The following NEK11 variants were observed in gnomAD, a reference collection of about 807,000 sequenced individuals.
NEK11 encodes the protein NIMA related kinase 11, also known as serine/threonine-protein kinase Nek11.
NEK11 carries 72 observed loss-of-function variants against 80.7 expected under a neutral mutation model. The observed-to-expected ratio is 0.89, with a 90% CI of 0.74 to 1.08. The LOEUF (loss-of-function observed/expected upper bound fraction) is 1.08. Among genes scored for constraint, NEK11 ranks in the 50% least tolerant of loss-of-function variants. NEK11 has a pLI of 0.00. For synonymous variants in NEK11, 251 were observed against 260.7 expected (o/e 0.96, Z 0.36); for missense variants, 764 against 763.6 (o/e 1.00, Z -0.01).
chr3:131,270,366 A>T (rs1056606850), intron 16 of NEK11, among the ~76,000 whole-genome samples: 10 of 152,178 alleles, frequency 6.6e-5, no homozygotes, highest in African/African-American at 2.4e-4. Context: ...AACATATGGA[A>T]ACGTAGAATC....
chr3:131,285,224 G>A (rs1164759558), intron 17 of NEK11, among the ~76,000 whole-genome samples: 4 of 152,190 alleles, frequency 2.6e-5, no homozygotes, highest in Admixed American at 2.6e-4. Flanking sequence ...ATGTGGAAAG[G>A]TTTCTGGGGA....
intron 15 of NEK11, among the ~76,000 whole-genome samples, chr3:131,238,471 T>C (rs760143238): frequency 1.2e-4 from 19 of 152,136 alleles, no homozygotes; most frequent in Non-Finnish European, 2.1e-4. Flanking sequence ...GTGGTACAGG[T>C]AGCCAATTAG....
intron 11 of NEK11, among the ~76,000 whole-genome samples, chr3:131,163,365 A>G (rs1318675305): frequency 3.9e-5 from 6 of 152,222 alleles, no homozygotes; most frequent in Non-Finnish European, 7.3e-5. Context: ...TAAGGGGATA[A>G]ATAAAATGTG....
chr3:131,225,085 C>G (rs1220216074), intron 14 of NEK11, among the ~76,000 whole-genome samples: 1 of 152,216 alleles, frequency 6.6e-6, no homozygotes, highest in Non-Finnish European at 1.5e-5. Context: ...TCACCACTCA[C>G]TCACTGACTC....
chr3:131,289,894 C>G (rs79968237), intron 17 of NEK11, among the ~76,000 whole-genome samples: 2,592 of 152,300 alleles, frequency 0.017, 94 homozygotes, highest in African/African-American at 0.06. Flanking sequence ...TGGGAAAAAG[C>G]AGGCCCATCT....
chr3:131,259,315 G>T (rs2108445524), intron 16 of NEK11, among the ~76,000 whole-genome samples: 1 of 152,308 alleles, frequency 6.6e-6, no homozygotes, highest in Non-Finnish European at 1.5e-5. Flanking sequence ...TTTGGCAGTG[G>T]CTTCTGCCCT....
chr3:131,153,770 A>G (rs1046515636), intron 9 of NEK11, among the ~76,000 whole-genome samples: 2 of 152,210 alleles, frequency 1.3e-5, no homozygotes, highest in Non-Finnish European at 2.9e-5. Context: ...GTCCTTTTGA[A>G]GCTTGACTGC....
chr3:131,043,430 G>C (rs2066852558), intron 3 of NEK11, among the ~76,000 whole-genome samples: 1 of 152,160 alleles, frequency 6.6e-6, no homozygotes, highest in African/African-American at 2.4e-5. Context: ...ATGTGATGGA[G>C]CTGAAAAACA....
intron 16 of NEK11, among the ~76,000 whole-genome samples, chr3:131,249,354 A>G (rs1471605979): frequency 6.6e-6 from 1 of 152,116 alleles, no homozygotes; most frequent in Non-Finnish European, 1.5e-5. Context: ...GGAGGCCTCA[A>G]CTACCGCTGA....
chr3:131,305,818 G>A (rs899424414), intron 17 of NEK11, among the ~76,000 whole-genome samples: 4 of 152,032 alleles, frequency 2.6e-5, no homozygotes, highest in South Asian at 2.1e-4. Flanking sequence ...ACAGCCCCAC[G>A]CAGGGCTCCC....
chr3:131,332,660 A>G (rs974832369), intron 17 of NEK11, among the ~76,000 whole-genome samples: 3 of 152,224 alleles, frequency 2.0e-5, no homozygotes, highest in Non-Finnish European at 4.4e-5. Flanking sequence ...CAGATGATCA[A>G]AATACTCCGA....
intron 14 of NEK11, among the ~76,000 whole-genome samples, chr3:131,220,182 GA>G (rs1324667477): frequency 6.6e-6 from 1 of 152,094 alleles, no homozygotes; most frequent in Non-Finnish European, 1.5e-5. Context: ...GCTTCTGGGG[GA>G]AATTGAGGCA....
chr3:131,211,072 T>C (rs143424164), intron 14 of NEK11, among the ~76,000 whole-genome samples: 23 of 152,308 alleles, frequency 1.5e-4, no homozygotes, highest in African/African-American at 5.3e-4. Context: ...CTAGCATTGA[T>C]GGTCTTTACA....
intron 17 of NEK11, among the ~76,000 whole-genome samples, chr3:131,288,825 G>A (rs1243323849): frequency 9.2e-5 from 14 of 152,000 alleles, no homozygotes; most frequent in Admixed American, 9.2e-4. Flanking sequence ...CCTCTACCCT[G>A]ATTTCAACTA....
intron 16 of NEK11, among the ~76,000 whole-genome samples, chr3:131,264,473 C>A (rs1319818631): frequency 6.6e-6 from 1 of 152,128 alleles, no homozygotes; most frequent in Non-Finnish European, 1.5e-5. Context: ...ATAGGGAATC[C>A]TTTCCCCATT....
intron 4 of NEK11, among the ~76,000 whole-genome samples, chr3:131,102,437 C>A (rs1578282091): frequency 6.6e-6 from 1 of 152,250 alleles, no homozygotes; most frequent in East Asian, 1.9e-4. Flanking sequence ...ACTTATGAAT[C>A]TTTGTTTGAT....
intron 5 of NEK11, among the ~76,000 whole-genome samples, chr3:131,123,443 G>T (rs137867451): frequency 2.0e-5 from 3 of 152,184 alleles, no homozygotes; most frequent in South Asian, 4.1e-4. Flanking sequence ...GGGATTACAG[G>T]CATGAGCCAC....
chr3:131,238,397 C>T (rs1282555499), intron 15 of NEK11, among the ~76,000 whole-genome samples: 1 of 152,064 alleles, frequency 6.6e-6, no homozygotes, highest in Non-Finnish European at 1.5e-5. Flanking sequence ...CAGTGTTTAT[C>T]ACAGAACAAA....
In NEK11 at chr3:131,152,430, T is replaced by A. The variant is rs532250406; in HGVS notation, c.690T>A (p.His230Gln). The change falls in exon 8 of 18, where the codon CAT becomes CAA. Residue 230 changes from histidine to glutamine, a missense_variant. Transcript: ENST00000383366. ...TGTATGAGATGTGCTGCATGAATCA[T>A]GCATTCGCTGGCTCCAATTTCTTAT... ...CILYEMCCMN[H>Q]AFAGSNFLSI... 6.2e-7 allele frequency: 1 copy of A among 1,613,928 alleles called. No homozygotes were observed. Among genetic ancestry groups the A allele is most frequent in the South Asian group, 1.1e-5 (1 of 91,044 alleles).
Sources: allele counts gnomAD v4.1 joint callset (sites outside exome capture counted in the v4.1 genomes callset), GRCh38; gene constraint gnomAD v4.1.1; transcripts MANE v1.5; gene names NCBI Gene and HGNC (gene_info 2026-07-23, HGNC 2026-07-21).